Variants in MCM9 observed in about 807,000 individuals in gnomAD.
The protein encoded by MCM9 is DNA helicase MCM9.
In MCM9, 55 loss-of-function variants were observed where a neutral mutation model predicts 72.8. That is an observed-to-expected ratio of 0.76 (90% CI 0.61 to 0.95). The LOEUF (loss-of-function observed/expected upper bound fraction) is 0.95, where lower values mean the gene tolerates loss of function less well. MCM9 is among the 40% of genes least tolerant of loss of function. The pLI, the probability that MCM9 is intolerant of heterozygous loss-of-function variation, is 0.00. For synonymous variants in MCM9, 480 were observed against 503.4 expected, an observed-to-expected ratio of 0.95 and a Z score of 0.62; for missense variants, 1,279 against 1,377.0, an observed-to-expected ratio of 0.93 and a Z score of 1.13.
chr6:118,843,670 G>A (rs375195846), intron 9 of MCM9, among the ~76,000 whole-genome samples: 1,343 of 16,778 alleles, frequency 0.08, 42 homozygotes, highest in African/African-American at 0.11. Context: ...ATATATATAT[G>A]TATGTATATA....
At chr6:118,827,548 TA>T (rs1774245171) in intron 11 of MCM9, among the ~76,000 whole-genome samples, 1 of 152,158 alleles carries the variant, frequency 6.6e-6, no homozygotes, top group South Asian at 2.1e-4. Flanking sequence ...AACTGGCAAT[TA>T]ATGAGCAAGA....
intron 8 of MCM9, among the ~76,000 whole-genome samples, chr6:118,870,674 T>C (rs1431999506): frequency 2.6e-5 from 4 of 151,154 alleles, no homozygotes; most frequent in Non-Finnish European, 4.4e-5. Flanking sequence ...ATAGAAAAGA[T>C]AAACAAAACT....
chr6:118,815,662 C>G lies in MCM9; in HGVS notation c.2594G>C (p.Arg865Thr). The change falls in exon 14 of 14, where the codon AGG becomes ACG. Residue 865 changes from arginine (R) to threonine (T), a missense_variant. Physicochemically the swap from Arg to Thr is moderately conservative, Grantham distance 71. Transcript: ENST00000619706. ...AGGGACTGTGCACTGTGCAGGCACC[C>G]TGGTGCTATTTCTGCACAACTTCTG... is the stretch of plus-strand genomic sequence containing the variant. ...RAQKLCRNST[R>T]VPAQCTVPSH... 1.9e-6 allele frequency: 3 copies of G among 1,549,872 alleles called. No homozygotes were observed. The highest frequency in any genetic ancestry group is 2.7e-5 in the African/African-American group (2 of 73,140).
intron 9 of MCM9, among the ~76,000 whole-genome samples, chr6:118,839,945 C>G (rs940387657): frequency 6.6e-6 from 1 of 152,124 alleles, no homozygotes; most frequent in Non-Finnish European, 1.5e-5. Context: ...AGAGCTCGAG[C>G]GCTGTGCTGG....
intron 8 of MCM9, among the ~76,000 whole-genome samples, chr6:118,901,876 C>T (rs573227546): frequency 6.6e-6 from 1 of 152,236 alleles, no homozygotes; most frequent in South Asian, 2.1e-4. Flanking sequence ...CAGATGGGAC[C>T]AATTTAAATG....
intron 8 of MCM9, chr6:118,905,518 C>T (rs1015441299): frequency 1.6e-6 from 1 of 629,998 alleles, no homozygotes; most frequent in Non-Finnish European, 2.7e-6. Flanking sequence ...TGAGCATTTT[C>T]CTTCCCAGTA....
chr6:118,869,241 C>T (rs928574217), intron 8 of MCM9, among the ~76,000 whole-genome samples: 4 of 152,046 alleles, frequency 2.6e-5, no homozygotes, highest in African/African-American at 9.7e-5. Flanking sequence ...TGGGGAACAT[C>T]ACACACCTGG....
intron 9 of MCM9, among the ~76,000 whole-genome samples, chr6:118,851,734 G>T (rs1232303305): frequency 1.3e-5 from 2 of 149,320 alleles, no homozygotes; most frequent in Admixed American, 6.6e-5. Context: ...GTTCAAGGAG[G>T]TATTAAATTC....
Position 118,923,826 on chromosome 6 carries a change from G to T in MCM9, c.606C>A (p.Ile202=), listed in dbSNP as rs764500208. The T allele has an allele frequency of 1.2e-6, 2 of 1,612,118 alleles. No homozygotes were observed. Among genetic ancestry groups the T allele is most frequent in the South Asian group, 2.2e-5 (2 of 90,988 alleles). Residue 202 remains isoleucine (I), a synonymous_variant, in exon 4 of 14, where the codon ATC becomes ATA. Transcript: ENST00000619706. ...GATTATTTACCTGTTCCTGAATTTT[G>T]ATTTCCTGGTAATCTCTACACCTGG... The part of the protein sequence containing the change: ...SPTRCRDYQE[I]KIQEQVQRLS...
At chr6:118,838,895 C>T (rs1207212541) in intron 9 of MCM9, among the ~76,000 whole-genome samples, 2 of 152,104 alleles carry the variant, frequency 1.3e-5, no homozygotes, top group South Asian at 2.1e-4. Context: ...GTGAATCTGA[C>T]AATTATGTGT....
intron 9 of MCM9, among the ~76,000 whole-genome samples, chr6:118,847,187 A>G (rs1477536450): frequency 1.3e-5 from 2 of 151,866 alleles, no homozygotes; most frequent in Non-Finnish European, 2.9e-5. Flanking sequence ...TTAAGGCAGA[A>G]ACAGAGAATC....
At chr6:118,927,596 AC>A (rs1276093698) in intron 3 of MCM9, among the ~76,000 whole-genome samples, 1 of 150,938 alleles carries the variant, frequency 6.6e-6, no homozygotes, top group African/African-American at 2.4e-5. Flanking sequence ...CAAGAGCAAA[AC>A]TCTTGTCTCA....
At chr6:118,871,504 AC>A (rs1341147186) in intron 8 of MCM9, among the ~76,000 whole-genome samples, 1 of 152,226 alleles carries the variant, frequency 6.6e-6, no homozygotes, top group African/African-American at 2.4e-5. Flanking sequence ...TCTATCACAA[AC>A]CCAGGGCCAA....
chr6:118,817,635 A>T (rs1304792441), intron 13 of MCM9, among the ~76,000 whole-genome samples: 2 of 152,150 alleles, frequency 1.3e-5, no homozygotes, highest in Non-Finnish European at 2.9e-5. Context: ...ATGATTTATA[A>T]TCCTTTGGGT....
intron 7 of MCM9, chr6:118,913,070 A>G: frequency 3.9e-6 from 2 of 514,044 alleles, no homozygotes; most frequent in African/African-American, 1.9e-5. Context: ...TAGCAAAAGT[A>G]TATGCCATAG....
At chr6:118,897,820 C>T (rs768388793) in intron 8 of MCM9, among the ~76,000 whole-genome samples, 2 of 151,300 alleles carry the variant, frequency 1.3e-5, no homozygotes, top group Non-Finnish European at 2.9e-5. Flanking sequence ...TAAATGAAAG[C>T]TGGGTTAAAA....
At chr6:118,929,163 TG>T (rs1384896271) in intron 3 of MCM9, among the ~76,000 whole-genome samples, 1 of 152,094 alleles carries the variant, frequency 6.6e-6, no homozygotes, top group Non-Finnish European at 1.5e-5. Flanking sequence ...GAGGTTGCAG[TG>T]AGACAAGATT....
rs1773273242 is a variant in MCM9 at position 118,814,238 on chromosome 6, T to TA, written c.*585dup. On this transcript the variant is annotated 3_prime_UTR_variant, in exon 14 of 14. Coordinates refer to ENST00000619706, the MANE Select transcript of MCM9 (RefSeq NM_017696.3). ...GATCTCTAAGAACATCATGGAATTG[T>TA]AAGGATACCTCTCAAAGAAAGAAAA... is the stretch of plus-strand genomic sequence containing the variant. The TA allele has an allele frequency of 6.6e-6, 1 of 152,178 alleles. No individual in the cohort carries two copies. The highest frequency in any genetic ancestry group is 6.5e-5 in the Admixed American group (1 of 15,280). The allele number at this position is 152,178 out of a possible 1,614,324, so 9.4% of individuals were successfully genotyped here. A position where few individuals can be genotyped will look rare whatever the true frequency, so the allele number is the denominator to read the frequency against.
chr6:118,925,181 T>C (rs1001101387), intron 3 of MCM9, among the ~76,000 whole-genome samples: 2 of 152,234 alleles, frequency 1.3e-5, no homozygotes, highest in East Asian at 1.9e-4. Flanking sequence ...CAATGCACCA[T>C]TGGGGTGGAA....
Sources: gnomAD v4.1 joint callset for allele counts (sites outside exome capture counted in the v4.1 genomes callset) on GRCh38, gnomAD v4.1.1 for gene constraint, MANE v1.5 for transcripts, NCBI Gene and HGNC (gene_info 2026-07-23, HGNC 2026-07-21) for gene names.